HSPBAP1: variants seen among roughly 807,000 people sequenced by gnomAD.
The protein encoded by HSPBAP1 is HSPB1 associated protein 1.
HSPBAP1 carries 27 observed loss-of-function variants against 45.2 expected under a neutral mutation model. That is an observed-to-expected ratio of 0.60 (90% confidence interval 0.44 to 0.82). HSPBAP1 has a LOEUF of 0.82. Ranked by LOEUF, HSPBAP1 falls within the 40% of genes least tolerant of loss-of-function variation. The pLI, the probability that HSPBAP1 is intolerant of heterozygous loss-of-function variation, is 0.00. For synonymous variants in HSPBAP1, 204 were observed against 202.7 expected, an observed-to-expected ratio of 1.01 and a Z score of -0.06; for missense variants, 510 against 590.9, an observed-to-expected ratio of 0.86 and a Z score of 1.42.
Position 122,742,168 on chromosome 3 carries a change from G to GAT in HSPBAP1, c.826-1057_826-1056dup, listed in dbSNP as rs769756263. On this transcript the variant is annotated intron_variant, in intron 6 of 7. Coordinates refer to ENST00000306103, the MANE Select transcript of HSPBAP1 (RefSeq NM_024610.6). The stretch of plus-strand genomic sequence containing the variant: ...ATTATTATAAATATAATAAATTATT[G>GAT]ATATATATACATATATTAATATATG... 2.4e-4 allele frequency among the ~76,000 whole-genome samples: 35 copies of GAT among 148,696 alleles called. No homozygotes were observed. In the East Asian group the frequency reaches 5.1e-3, roughly 21 times the overall value.
intron 4 of HSPBAP1, among the ~76,000 whole-genome samples, chr3:122,756,351 A>G (rs867095956): frequency 6.6e-6 from 1 of 152,144 alleles, no homozygotes; most frequent in Non-Finnish European, 1.5e-5. Context: ...GGAAATTTGA[A>G]GGTTTTATAG....
At chr3:122,787,529 T>C (rs1489417398) in intron 1 of HSPBAP1, among the ~76,000 whole-genome samples, 3 of 152,166 alleles carry the variant, frequency 2.0e-5, no homozygotes, top group African/African-American at 7.2e-5. Flanking sequence ...ATTAAAGATT[T>C]TTAAAAACCT....
chr3:122,752,441 A>T, intron 6 of HSPBAP1, 150 bp downstream of exon 6: 2 of 522,570 alleles, frequency 3.8e-6, no homozygotes, highest in South Asian at 6.2e-5. Flanking sequence ...AGAAGACAGA[A>T]TGCATACGTT....
intron 5 of HSPBAP1, chr3:122,754,286 A>C (rs977554905): frequency 6.5e-6 from 1 of 153,194 alleles, no homozygotes; most frequent in African/African-American, 2.4e-5. Flanking sequence ...ATACAATGGA[A>C]TATTATTCAG....
At chr3:122,787,793 C>T (rs1349991676) in intron 1 of HSPBAP1, among the ~76,000 whole-genome samples, 4 of 152,182 alleles carry the variant, frequency 2.6e-5, no homozygotes, top group African/African-American at 4.8e-5. Context: ...CTGATGGAAT[C>T]GTGCAAGTAC....
intron 5 of HSPBAP1, chr3:122,754,075 ACTC>A (rs1232753691): frequency 5.9e-5 from 11 of 185,938 alleles, no homozygotes; most frequent in Middle Eastern, 5.4e-3. Flanking sequence ...TAGTTTGACA[ACTC>A]CTCAAAAAGT....
At chr3:122,752,891 G>A in intron 5 of HSPBAP1, 1 of 1,292,532 alleles carries the variant, frequency 7.7e-7, no homozygotes, top group Admixed American at 3.8e-5. Context: ...AAAGGATACT[G>A]CCAGCATCTC....
Position 122,768,827 on chromosome 3 carries a change from C to A in HSPBAP1, c.306G>T (p.Leu102=). ...TACTAGACTGGTCACAGTTCCAGGT[C>A]AGAAACTCTTCGAGTGTAGCTTCTA... The part of the protein sequence containing the change: ...NYVEATLEEF[L]TWNCDQSSIS... The change falls in exon 3 of 8, where the codon CTG becomes CTT. Residue 102 remains leucine, a synonymous_variant. Transcript: ENST00000306103. 1 of 1,612,876 alleles carries A rather than the reference C, an allele frequency of 6.2e-7. No individual in the cohort carries two copies. Among genetic ancestry groups the A allele is most frequent in the Non-Finnish European group, 8.5e-7 (1 of 1,178,896 alleles).
At chr3:122,783,777 C>CCAA (rs2107540157) in intron 1 of HSPBAP1, among the ~76,000 whole-genome samples, 1 of 151,194 alleles carries the variant, frequency 6.6e-6, no homozygotes, top group South Asian at 2.1e-4. Context: ...GCCTTTATTA[C>CCAA]CCATCTTTGG....
chr3:122,764,601 T>A (rs913789682), intron 3 of HSPBAP1, among the ~76,000 whole-genome samples: 15 of 152,208 alleles, frequency 9.9e-5, no homozygotes, highest in Admixed American at 6.5e-4. Context: ...CTTAACTGAC[T>A]TTTGTGTATA....
chr3:122,752,682 C>T lies in HSPBAP1; in HGVS notation c.742-8G>A, dbSNP rs1447208721. 6.3e-7 allele frequency: 1 copy of T among 1,594,558 alleles called. No homozygotes were observed. The highest frequency in any genetic ancestry group is 1.4e-5 in the African/African-American group (1 of 73,654). On this transcript the variant is annotated splice_polypyrimidine_tract_variant and splice_region_variant and intron_variant, in intron 5 of 7. Transcript: ENST00000306103. ...TCTGGGAACAAAGAGAACCTGAAAA[C>T]CAAACAAAGAATGGTTAGCACAAGA...
intron 6 of HSPBAP1, among the ~76,000 whole-genome samples, chr3:122,742,132 A>G (rs1933692136): frequency 6.8e-6 from 1 of 147,908 alleles, no homozygotes; most frequent in African/African-American, 2.5e-5. Context: ...AGAACAATGA[A>G]TAATATATAA....
At chr3:122,793,522 G>T in intron 1 of HSPBAP1, 95 bp downstream of exon 1, 1 of 1,026,044 alleles carries the variant, frequency 9.7e-7, no homozygotes, top group Non-Finnish European at 1.5e-6. Flanking sequence ...GAGAGACCTG[G>T]GTTGGGGCTA....
chr3:122,758,283 C>T (rs2107511810), intron 4 of HSPBAP1, among the ~76,000 whole-genome samples: 1 of 152,312 alleles, frequency 6.6e-6, no homozygotes, highest in African/African-American at 2.4e-5. Flanking sequence ...GTGGCACAAA[C>T]ACTTAGACTC....
At chr3:122,783,696 G>C (rs2107540070) in intron 1 of HSPBAP1, among the ~76,000 whole-genome samples, 1 of 152,338 alleles carries the variant, frequency 6.6e-6, no homozygotes, top group South Asian at 2.1e-4. Context: ...GGTGACTGCA[G>C]TTAATTGTGG....
intron 6 of HSPBAP1, chr3:122,741,330 T>C (rs1384367862): frequency 5.3e-6 from 3 of 566,062 alleles, no homozygotes; most frequent in African/African-American, 3.7e-5. Context: ...AATTTAAGTA[T>C]GTATTCTATC....
intron 3 of HSPBAP1, among the ~76,000 whole-genome samples, chr3:122,761,147 A>C (rs1027163156): frequency 2.0e-5 from 3 of 152,192 alleles, no homozygotes; most frequent in East Asian, 3.8e-4. Context: ...ATTTAACTAA[A>C]GGTAGCTGAA....
chr3:122,762,213 T>C (rs554447951), intron 3 of HSPBAP1, among the ~76,000 whole-genome samples: 1 of 152,200 alleles, frequency 6.6e-6, no homozygotes, highest in South Asian at 2.1e-4. Context: ...AGAGAACAAG[T>C]TTATTTCCTG....
chr3:122,785,328 C>A (rs553527111), intron 1 of HSPBAP1, among the ~76,000 whole-genome samples: 101 of 152,166 alleles, frequency 6.6e-4, no homozygotes, highest in Non-Finnish European at 9.7e-4. Flanking sequence ...CTGCTAGGTC[C>A]ATCTATGCAC....
Sources: gnomAD v4.1 joint callset for allele counts (sites outside exome capture counted in the v4.1 genomes callset) on GRCh38, gnomAD v4.1.1 for gene constraint, MANE v1.5 for transcripts, NCBI Gene and HGNC (gene_info 2026-07-23, HGNC 2026-07-21) for gene names.